The following CAST variants were observed in gnomAD, a reference collection of about 807,000 sequenced individuals.
The protein encoded by CAST is MIR583 host.
Under a neutral mutation model 119.6 loss-of-function variants are expected in CAST, and 76 were observed. That is an observed-to-expected ratio of 0.64 (90% CI 0.53 to 0.77). CAST has a LOEUF of 0.77. Ranked by LOEUF, CAST falls within the 30% of genes least tolerant of loss-of-function variation. The probability of loss-of-function intolerance (pLI) is 0.00; values close to 1 mark genes in which losing one functional copy is unlikely to be tolerated. For synonymous variants in CAST, 319 were observed against 331.6 expected (o/e 0.96, Z 0.41); for missense variants, 953 against 946.5 (o/e 1.01, Z -0.09).
At chr5:96,516,626 C>T in the CAST span, among the ~76,000 whole-genome samples, 9 of 152,306 alleles carry the variant, frequency 5.9e-5, no homozygotes, top group East Asian at 1.7e-3. Context: ...TCACTCTTAA[C>T]TCCCTCTCCC....
chr5:96,157,767 A>G, the CAST span, among the ~76,000 whole-genome samples: 1 of 152,356 alleles, frequency 6.6e-6, no homozygotes, highest in African/African-American at 2.4e-5. Context: ...CTGTGTGTCC[A>G]AGCTGTGGTG....
chr5:96,580,018 A>G (rs765777351), intron 1 of CAST, among the ~76,000 whole-genome samples: 4 of 152,248 alleles, frequency 2.6e-5, no homozygotes, highest in Non-Finnish European at 5.9e-5. Context: ...ACAGGATCAA[A>G]GTCACTGTAG....
the CAST span, among the ~76,000 whole-genome samples, chr5:96,229,130 A>T: frequency 6.6e-6 from 1 of 151,906 alleles, no homozygotes; most frequent in Admixed American, 6.6e-5. Flanking sequence ...AGAATGGATG[A>T]TTTTCCAAAG....
chr5:96,570,460 C>T (rs1474625784), intron 1 of CAST, among the ~76,000 whole-genome samples: 1 of 151,560 alleles, frequency 6.6e-6, no homozygotes, highest in Admixed American at 6.6e-5. Flanking sequence ...TAGCCTAGAA[C>T]TCAAAGAAGG....
intron 3 of CAST, among the ~76,000 whole-genome samples, chr5:96,721,581 T>G (rs1052787669): frequency 2.4e-4 from 37 of 152,148 alleles, no homozygotes; most frequent in African/African-American, 8.7e-4. Flanking sequence ...CTGGGTGTTG[T>G]TGGCAGGGTA....
At chr5:96,745,590 T>C (rs1763598002) in intron 16 of CAST, among the ~76,000 whole-genome samples, 1 of 152,184 alleles carries the variant, frequency 6.6e-6, no homozygotes, top group East Asian at 1.9e-4. Flanking sequence ...CACCTTTATA[T>C]AGGTACAAAT....
At chr5:96,640,903 T>G (rs1384978877) in intron 1 of CAST, among the ~76,000 whole-genome samples, 1 of 152,100 alleles carries the variant, frequency 6.6e-6, no homozygotes, top group African/African-American at 2.4e-5. Context: ...TAAGGTAAAG[T>G]CTCCGTTATT....
chr5:96,171,536 A>T, the CAST span, among the ~76,000 whole-genome samples: 1 of 152,220 alleles, frequency 6.6e-6, no homozygotes, highest in Non-Finnish European at 1.5e-5. Flanking sequence ...CGGTGATCAG[A>T]CACCAATGAA....
the CAST span, among the ~76,000 whole-genome samples, chr5:96,169,913 A>G: frequency 6.6e-6 from 1 of 152,086 alleles, no homozygotes; most frequent in Non-Finnish European, 1.5e-5. Flanking sequence ...TTAAAAGAGT[A>G]TTGTCTAAGT....
intron 29 of CAST, chr5:96,769,652 GT>G: frequency 6.6e-6 from 1 of 151,820 alleles, no homozygotes; most frequent in African/African-American, 2.4e-5. Flanking sequence ...ATTAACCTTA[GT>G]CCTCATGTTA....
At chr5:96,065,281 A>AT in the CAST span, among the ~76,000 whole-genome samples, 1 of 152,000 alleles carries the variant, frequency 6.6e-6, no homozygotes, top group African/African-American at 2.4e-5. Flanking sequence ...TGGATTAACA[A>AT]TTTTTAAATT....
At chr5:96,542,657 T>C (rs1256421683) in intron 1 of CAST, among the ~76,000 whole-genome samples, 2 of 114,980 alleles carry the variant, frequency 1.7e-5, no homozygotes, top group Non-Finnish European at 3.7e-5. Flanking sequence ...TGTTTTCTTA[T>C]TGTTTAATTT....
At chr5:96,041,392 G>T in the CAST span, among the ~76,000 whole-genome samples, 2 of 152,018 alleles carry the variant, frequency 1.3e-5, no homozygotes, top group African/African-American at 2.4e-5. Flanking sequence ...CCTAAAAATT[G>T]TCAAGGTTAT....
At chr5:96,063,798 G>C in the CAST span, among the ~76,000 whole-genome samples, 1 of 152,184 alleles carries the variant, frequency 6.6e-6, no homozygotes, top group Admixed American at 6.6e-5. Context: ...TTGAGGCAGA[G>C]AGTTTAGGTG....
the CAST span, among the ~76,000 whole-genome samples, chr5:96,280,869 C>T: frequency 6.6e-6 from 1 of 152,112 alleles, no homozygotes; most frequent in Non-Finnish European, 1.5e-5. Flanking sequence ...TCCATTCCAC[C>T]CTTCAAAATC....
intron 1 of CAST, among the ~76,000 whole-genome samples, chr5:96,531,257 G>A (rs899742288): frequency 6.6e-6 from 1 of 152,174 alleles, no homozygotes; most frequent in Non-Finnish European, 1.5e-5. Context: ...GGGGTGGCAG[G>A]CTTAAGAAGA....
At chr5:96,730,689 G>T in intron 8 of CAST, 91 bp from the exon 9 acceptor site, 1 of 910,286 alleles carries the variant, frequency 1.1e-6, no homozygotes, top group South Asian at 1.4e-5. Flanking sequence ...GGGTGAACTG[G>T]CAGATGTTAG....
At chr5:96,245,936 C>A in the CAST span, among the ~76,000 whole-genome samples, 2 of 152,114 alleles carry the variant, frequency 1.3e-5, no homozygotes, top group African/African-American at 4.8e-5. Flanking sequence ...CAGGACCCGG[C>A]TGAATCTAAG....
rs1220574769 is a variant in CAST, at chr5:96,553,152, A to G, written c.60+23272A>G. Among the ~76,000 whole-genome samples the G allele has an allele frequency of 1.3e-5, 2 of 152,222 alleles. 1 individual carries two copies. Among genetic ancestry groups the G allele is most frequent in the African/African-American group, 4.8e-5 (2 of 41,474 alleles). On this transcript the variant is annotated intron_variant, in intron 1 of 11. Coordinates refer to the CAST transcript ENST00000505143. ...AATATCCCTGATGAACATCTATGGG[A>G]AAATCCTCAATAAAATACTGGCAAA... is the stretch of plus-strand genomic sequence containing the variant.
Sources: gnomAD v4.1 joint callset for allele counts (sites outside exome capture counted in the v4.1 genomes callset) on GRCh38, gnomAD v4.1.1 for gene constraint, MANE v1.5 for transcripts, NCBI Gene and HGNC (gene_info 2026-07-23, HGNC 2026-07-21) for gene names.